The following USP17L2 variants were observed in gnomAD, a reference collection of about 807,000 sequenced individuals.
USP17L2 encodes ubiquitin carboxyl-terminal hydrolase 17.
USP17L2 carries 29 observed loss-of-function variants against 39.8 expected under a neutral mutation model. The ratio of observed to expected loss-of-function variants is 0.73; its 90% confidence interval spans 0.54 to 0.99. The LOEUF (loss-of-function observed/expected upper bound fraction) is 0.99, where lower values mean the gene tolerates loss of function less well. USP17L2 is among the 50% of genes least tolerant of loss of function. The probability of loss-of-function intolerance (pLI) is 0.00; values close to 1 mark genes in which losing one functional copy is unlikely to be tolerated. For synonymous variants in USP17L2, 231 were observed against 252.7 expected (o/e 0.91, Z 0.81); for missense variants, 567 against 647.2 (o/e 0.88, Z 1.35).
rs1211840992 is a variant in USP17L2, at chr8:12,136,973, A to T, written c.*195T>A. 7.1e-6 allele frequency among the ~76,000 whole-genome samples: 1 copy of T among 140,980 alleles called. No individual in the cohort carries two copies. Among genetic ancestry groups the T allele is most frequent in the East Asian group, 2.3e-4 (1 of 4,332 alleles). The allele number at this position is 140,980 out of a possible 152,430, so 92.5% of individuals were successfully genotyped here. A position where few individuals can be genotyped will look rare whatever the true frequency, so the allele number is the denominator to read the frequency against. ...CTTGATGTTTCCCATGTGTGGGCTC[A>T]TCCTGAGATGCAGCCATCACTATCC... On this transcript the variant is annotated 3_prime_UTR_variant, in exon 1 of 1. Transcript: ENST00000333796.
rs375634582 is a variant in USP17L2, at chr8:12,138,393, C to T, written c.368G>A (p.Cys123Tyr). 1.5e-4 allele frequency: 218 copies of T among 1,478,388 alleles called. 24 individuals carry two copies. Among genetic ancestry groups the T allele is most frequent in the Non-Finnish European group, 1.9e-4 (201 of 1,083,754 alleles). 91.6% of individuals were successfully genotyped at this position (1,478,388 alleles called of 1,614,324 possible). Residue 123 changes from cysteine (C) to tyrosine (Y), a missense_variant, in exon 1 of 1, where the codon TGC becomes TAC. Physicochemically the swap from Cys to Tyr is radical, Grantham distance 194 (BLOSUM62 -2). This residue lies in a region of USP17L2 where 67 missense variants were observed against 122.8 expected (regional missense o/e 0.55). Coordinates refer to ENST00000333796, the MANE Select transcript of USP17L2 (RefSeq NM_201402.3). Reference sequence around the variant, plus strand: ...GTGAGCTTGCATAGTACAGAGCATGCAGCACTTGGGACGCTGACATGTTTG... The same window carrying T: ...GTGAGCTTGCATAGTACAGAGCATGTAGCACTTGGGACGCTGACATGTTTG... ...HSQTCQRPKCCMLCTMQAHIT... is the reference protein window; with the variant it reads ...HSQTCQRPKCYMLCTMQAHIT...
At position 12,137,173 on chromosome 8, in the gene USP17L2, G is replaced by C. The variant is rs751716724; in HGVS notation, c.1588C>G (p.Gln530Glu). 6.5e-7 allele frequency: 1 copy of C among 1,530,714 alleles called. No individual in the cohort carries two copies. The highest frequency in any genetic ancestry group is 8.8e-7 in the Non-Finnish European group (1 of 1,135,200). 94.8% of individuals were successfully genotyped at this position (1,530,714 alleles called of 1,614,324 possible). A position where few individuals can be genotyped will look rare whatever the true frequency, so the allele number is the denominator to read the frequency against. The change falls in exon 1 of 1, where the codon CAG becomes GAG. Residue 530 changes from glutamine (Q) to glutamate (E), a missense_variant. Physicochemically the swap from Gln to Glu is conservative, Grantham distance 29. Around this residue, in one of 6 missense-constraint regions of USP17L2, gnomAD observed 304 missense variants for 254.7 expected, o/e 1.19. Coordinates refer to ENST00000333796, the MANE Select transcript of USP17L2 (RefSeq NM_201402.3). ...KHSKRALLVC[Q>E] is the part of the protein sequence containing the mutation. ...GGTCGGCACTTCCACTGAGATCACT[G>C]GCACACAAGCAGAGCCCTCTTGCTG... is the stretch of plus-strand genomic sequence containing the variant.
Position 12,136,631 on chromosome 8 carries a change from A to G in USP17L2, c.*537T>C, listed in dbSNP as rs1803229679. On this transcript the variant is annotated 3_prime_UTR_variant, in exon 1 of 1. Transcript: ENST00000333796. ...TGAGGTCCATTCAGAAACCAATGTAAAAACGGTGAGCCAGGGTAAGAAAGA... is the reference window on the plus strand; with the variant it reads ...TGAGGTCCATTCAGAAACCAATGTAGAAACGGTGAGCCAGGGTAAGAAAGA... 7.1e-6 allele frequency among the ~76,000 whole-genome samples: 1 copy of G among 140,318 alleles called. No individual in the cohort carries two copies. Among genetic ancestry groups the G allele is most frequent in the Non-Finnish European group, 1.5e-5 (1 of 64,814 alleles). The allele number at this position is 140,318 out of a possible 152,430, so 92.1% of individuals were successfully genotyped here. A position where few individuals can be genotyped will look rare whatever the true frequency, so the allele number is the denominator to read the frequency against.
chr8:12,137,032 T>G lies in USP17L2; in HGVS notation c.*136A>C. 8.8e-7 allele frequency: 1 copy of G among 1,135,988 alleles called. No individual in the cohort carries two copies. The highest frequency in any genetic ancestry group is 1.3e-6 in the Non-Finnish European group (1 of 797,724). The allele number at this position is 1,135,988 out of a possible 1,614,324, so 70.4% of individuals were successfully genotyped here. ...CTGTTGTAGAGACAGAAACTTGGAC[T>G]CCTCATTACTTTATGTAGGATTGAC... On this transcript the variant is annotated 3_prime_UTR_variant, in exon 1 of 1. Transcript: ENST00000333796.
chr8:12,138,600 T>C lies in USP17L2; in HGVS notation c.161A>G (p.Asp54Gly). The C allele has an allele frequency of 2.6e-6, 4 of 1,530,728 alleles. 1 individual carries two copies. 94.8% of individuals were successfully genotyped at this position (1,530,728 alleles called of 1,614,324 possible). Residue 54 changes from aspartate to glycine, a missense_variant, in exon 1 of 1, where the codon GAT becomes GGT. By Grantham distance (94) the Asp-to-Gly change is moderately conservative. Around this residue, in one of 6 missense-constraint regions of USP17L2, gnomAD observed 120 missense variants for 111.0 expected, o/e 1.08. Coordinates refer to ENST00000333796, the MANE Select transcript of USP17L2 (RefSeq NM_201402.3). ...SSEARVDLCD[D>G]LAPVARQLAP... Reference sequence around the variant, plus strand: ...AAGCTGTCTTGCCACAGGAGCCAAATCATCACAGAGGTCGACACGGGCCTC... The same window carrying C: ...AAGCTGTCTTGCCACAGGAGCCAAACCATCACAGAGGTCGACACGGGCCTC...
chr8:12,136,725 G>T lies in USP17L2; in HGVS notation c.*443C>A, dbSNP rs1478966504. ...TTCAAGGTGGCGAGAATGATCCATG[G>T]ATGTGCCACATGAGCAAAATTTCAC... is the stretch of plus-strand genomic sequence containing the variant. On this transcript the variant is annotated 3_prime_UTR_variant, in exon 1 of 1. Coordinates refer to ENST00000333796, the MANE Select transcript of USP17L2 (RefSeq NM_201402.3). Among the ~76,000 whole-genome samples the T allele has an allele frequency of 1.4e-5, 2 of 140,628 alleles. No individual in the cohort carries two copies. The highest frequency in any genetic ancestry group is 2.7e-5 in the African/African-American group (1 of 37,290). The allele number at this position is 140,628 out of a possible 152,430, so 92.3% of individuals were successfully genotyped here. A position where few individuals can be genotyped will look rare whatever the true frequency, so the allele number is the denominator to read the frequency against.
In USP17L2 at chr8:12,137,019, C is replaced by G. The variant is rs548701711; in HGVS notation, c.*149G>C. The G allele has an allele frequency of 5.0e-4, 526 of 1,049,394 alleles. 32 individuals are homozygous for G. The African/African-American group carries it at 8.0e-3, about 16-fold the overall frequency. 65.0% of individuals were successfully genotyped at this position (1,049,394 alleles called of 1,614,324 possible). A position where few individuals can be genotyped will look rare whatever the true frequency, so the allele number is the denominator to read the frequency against. ...TATCCAGTTGTCCCTGTTGTAGAGA[C>G]AGAAACTTGGACTCCTCATTACTTT... On this transcript the variant is annotated 3_prime_UTR_variant, in exon 1 of 1. Coordinates refer to ENST00000333796, the MANE Select transcript of USP17L2 (RefSeq NM_201402.3).
At position 12,138,004 on chromosome 8, in the gene USP17L2, G is replaced by T; in HGVS notation, c.757C>A (p.His253Asn). ...GCCCTCTGGAGACAAAGACCGCAAT[G>T]ATAGGCATTCTCTCCATTGAGTTCT... ...PEELNGENAY[H>N]CGLCLQRAPA... Residue 253 changes from histidine (H) to asparagine (N), a missense_variant, in exon 1 of 1, where the codon CAT becomes AAT. Physicochemically the swap from His to Asn is moderately conservative, Grantham distance 68 (BLOSUM62 1). Around this residue, in one of 6 missense-constraint regions of USP17L2, gnomAD observed 65 missense variants for 84.8 expected, o/e 0.77. Transcript: ENST00000333796. 2 of 1,469,402 alleles carry T rather than the reference G, an allele frequency of 1.4e-6. 1 individual carries two copies. The highest frequency in any genetic ancestry group is 1.8e-6 in the Non-Finnish European group (2 of 1,082,510). 91.0% of individuals were successfully genotyped at this position (1,469,402 alleles called of 1,614,324 possible).
chr8:12,137,310 C>A lies in USP17L2; in HGVS notation c.1451G>T (p.Ser484Ile). 8 of 1,531,246 alleles carry A rather than the reference C, an allele frequency of 5.2e-6. No homozygotes were observed. The highest frequency in any genetic ancestry group is 6.2e-6 in the Non-Finnish European group (7 of 1,135,202). The allele number at this position is 1,531,246 out of a possible 1,614,324, so 94.9% of individuals were successfully genotyped here. Residue 484 changes from serine to isoleucine, a missense_variant, in exon 1 of 1, where the codon AGC becomes ATC. Ser to Ile is a moderately radical substitution (Grantham distance 142). Transcript: ENST00000333796. ...GMKNHHPEQQ[S>I]SLLNLSSTTR... ...CGTCGAAGAGAGGTTTAGCAGGGAG[C>A]TTTGCTGTTCAGGATGATGGTTTTT...
rs1441894744 is a variant in USP17L2, at chr8:12,138,628, A to T, written c.133T>A (p.Ser45Thr). The T allele has an allele frequency of 6.5e-7, 1 of 1,530,248 alleles. No individual in the cohort carries two copies. 94.8% of individuals were successfully genotyped at this position (1,530,248 alleles called of 1,614,324 possible). A position where few individuals can be genotyped will look rare whatever the true frequency, so the allele number is the denominator to read the frequency against. Residue 45 changes from serine to threonine, a missense_variant, in exon 1 of 1, where the codon TCT becomes ACT. Physicochemically the swap from Ser to Thr is moderately conservative, Grantham distance 58 (BLOSUM62 1). This residue lies in a region of USP17L2 where 120 missense variants were observed against 111.0 expected (regional missense o/e 1.08). Coordinates refer to ENST00000333796, the MANE Select transcript of USP17L2 (RefSeq NM_201402.3). ...TSLPEKSPLS[S>T]EARVDLCDDL... ...TCACAGAGGTCGACACGGGCCTCAG[A>T]TGAGAGTGGTGACTTCTCAGGGAGA...
rs754599841 is a variant in USP17L2 at position 12,137,679 on chromosome 8, G to T, written c.1082C>A (p.Ser361Tyr). The stretch of plus-strand genomic sequence containing the variant: ...GACATAGGCCTGTTGACTCAGGACA[G>T]AAGTGATGCTACAGGCAGTGACCTT... ...DAKVTACSIT[S>Y]VLSQQAYVLF... Residue 361 changes from serine (S) to tyrosine (Y), a missense_variant, in exon 1 of 1, where the codon TCT becomes TAT. Physicochemically the swap from Ser to Tyr is moderately radical, Grantham distance 144. Transcript: ENST00000333796. 5 of 1,533,424 alleles carry T rather than the reference G, an allele frequency of 3.3e-6. No homozygotes were observed. Among genetic ancestry groups the T allele is most frequent in the South Asian group, 1.2e-5 (1 of 81,352 alleles). The allele number at this position is 1,533,424 out of a possible 1,614,324, so 95.0% of individuals were successfully genotyped here.
rs1803264113 is a variant in USP17L2 at position 12,137,190 on chromosome 8, C to A, written c.1571G>T (p.Arg524Met). Residue 524 changes from arginine (R) to methionine (M), a missense_variant, in exon 1 of 1, where the codon AGG (arginine) becomes ATG (methionine). By Grantham distance (91) the Arg-to-Met change is moderately conservative. Transcript: ENST00000333796. ...AGATCACTGGCACACAAGCAGAGCCCTCTTGCTGTGTTTGTTCTTCCCTTT... is the reference window on the plus strand; with the variant it reads ...AGATCACTGGCACACAAGCAGAGCCATCTTGCTGTGTTTGTTCTTCCCTTT... ...RSKGKNKHSK[R>M]ALLVCQ 3.9e-6 allele frequency: 6 copies of A among 1,530,866 alleles called. 2 individuals are homozygous for A. The highest frequency in any genetic ancestry group is 5.2e-5 in the East Asian group (2 of 38,176). 94.8% of individuals were successfully genotyped at this position (1,530,866 alleles called of 1,614,324 possible). A position where few individuals can be genotyped will look rare whatever the true frequency, so the allele number is the denominator to read the frequency against.
Position 12,138,341 on chromosome 8 carries a change from A to C in USP17L2, c.420T>G (p.Gly140=). The C allele has an allele frequency of 6.6e-7, 1 of 1,512,730 alleles. No individual in the cohort carries two copies. Among genetic ancestry groups the C allele is most frequent in the Non-Finnish European group, 8.9e-7 (1 of 1,122,310 alleles). 93.7% of individuals were successfully genotyped at this position (1,512,730 alleles called of 1,614,324 possible). A position where few individuals can be genotyped will look rare whatever the true frequency, so the allele number is the denominator to read the frequency against. The stretch of plus-strand genomic sequence containing the variant: ...ATGCCTGTGAGGGCTGGATGACATG[A>C]CCAGGACTGTGGAGGGCCCATGTGA... ...AHITWALHSP[G]HVIQPSQALA... Residue 140 remains glycine (G), a synonymous_variant, in exon 1 of 1, where the codon GGT becomes GGG. Transcript: ENST00000333796.
chr8:12,137,769 T>G lies in USP17L2; in HGVS notation c.992A>C (p.His331Pro). 3 of 1,494,606 alleles carry G rather than the reference T, an allele frequency of 2.0e-6. 1 individual carries two copies. The highest frequency in any genetic ancestry group is 2.7e-6 in the Non-Finnish European group (3 of 1,102,324). 92.6% of individuals were successfully genotyped at this position (1,494,606 alleles called of 1,614,324 possible). A position where few individuals can be genotyped will look rare whatever the true frequency, so the allele number is the denominator to read the frequency against. The stretch of plus-strand genomic sequence containing the variant: ...GACATAAGAGAAGTAATGTCCGTCG[T>G]GACAACTCCACCCAGCGTGGACCAG... ...AVLVHAGWSC[H>P]DGHYFSYVKA... is the part of the protein sequence containing the mutation. The change falls in exon 1 of 1, where the codon CAC (histidine) becomes CCC (proline). Residue 331 changes from histidine (H) to proline (P), a missense_variant. Transcript: ENST00000333796.
chr8:12,138,432 G>T lies in USP17L2; in HGVS notation c.329C>A (p.Ser110Tyr). The T allele has an allele frequency of 6.5e-7, 1 of 1,528,432 alleles. No individual in the cohort carries two copies. Among genetic ancestry groups the T allele is most frequent in the Non-Finnish European group, 8.9e-7 (1 of 1,128,010 alleles). The allele number at this position is 1,528,432 out of a possible 1,614,324, so 94.7% of individuals were successfully genotyped here. A position where few individuals can be genotyped will look rare whatever the true frequency, so the allele number is the denominator to read the frequency against. The change falls in exon 1 of 1, where the codon TCC becomes TAC. Residue 110 changes from serine (S) to tyrosine (Y), a missense_variant. By Grantham distance (144) the Ser-to-Tyr change is moderately radical (BLOSUM62 -2). Around this residue, in one of 6 missense-constraint regions of USP17L2, gnomAD observed 67 missense variants for 122.8 expected, o/e 0.55. Transcript: ENST00000333796. The part of the protein sequence containing the change: ...YTPPLANYML[S>Y]REHSQTCQRP... ...CTGACATGTTTGAGAGTGCTCCCGG[G>T]ACAGCATGTAGTTGGCAAGGGGCGG... is the stretch of plus-strand genomic sequence containing the variant.
In USP17L2 at chr8:12,138,326, G is replaced by A. The variant is rs1585168203; in HGVS notation, c.435C>T (p.Pro145=). The change falls in exon 1 of 1, where the codon CCC becomes CCT. Residue 145 remains proline (P), a synonymous_variant. Coordinates refer to ENST00000333796, the MANE Select transcript of USP17L2 (RefSeq NM_201402.3). ...ALHSPGHVIQ[P]SQALAAGFHR... Reference sequence around the variant, plus strand: ...GGAAGCCAGCAGCCAATGCCTGTGAGGGCTGGATGACATGACCAGGACTGT... The same window carrying A: ...GGAAGCCAGCAGCCAATGCCTGTGAAGGCTGGATGACATGACCAGGACTGT... 2.0e-6 allele frequency: 3 copies of A among 1,514,970 alleles called. No homozygotes were observed. Among genetic ancestry groups the A allele is most frequent in the Non-Finnish European group, 1.8e-6 (2 of 1,118,854 alleles). The allele number at this position is 1,514,970 out of a possible 1,614,324, so 93.8% of individuals were successfully genotyped here. A position where few individuals can be genotyped will look rare whatever the true frequency, so the allele number is the denominator to read the frequency against.
chr8:12,138,386 G>GA, the USP17L2 span: 2 of 1,478,702 alleles, frequency 1.4e-6, no homozygotes, highest in South Asian at 2.5e-5. Context: ...GCATAGTACA[G>GA]AGCATGCAGC....
chr8:12,137,760 T>C lies in USP17L2; in HGVS notation c.1001A>G (p.His334Arg), dbSNP rs762696686. ...TTGAGCTTTGACATAAGAGAAGTAA[T>C]GTCCGTCGTGACAACTCCACCCAGC... Reference protein sequence around the residue: ...VHAGWSCHDGHYFSYVKAQEG... With the variant: ...VHAGWSCHDGRYFSYVKAQEG... Residue 334 changes from histidine (H) to arginine (R), a missense_variant, in exon 1 of 1, where the codon CAT (histidine) becomes CGT (arginine). Transcript: ENST00000333796. The C allele has an allele frequency of 3.4e-5, 51 of 1,506,148 alleles. 9 individuals are homozygous for C. The highest frequency in any genetic ancestry group is 4.2e-5 in the Non-Finnish European group (47 of 1,112,574). The allele number at this position is 1,506,148 out of a possible 1,614,324, so 93.3% of individuals were successfully genotyped here. A position where few individuals can be genotyped will look rare whatever the true frequency, so the allele number is the denominator to read the frequency against.
In USP17L2 at chr8:12,137,152, G is replaced by A. The variant is rs747590109; in HGVS notation, c.*16C>T. ...GTGCGTTCACCCCTACGTGTGGGTC[G>A]GCACTTCCACTGAGATCACTGGCAC... On this transcript the variant is annotated 3_prime_UTR_variant, in exon 1 of 1. Coordinates refer to ENST00000333796, the MANE Select transcript of USP17L2 (RefSeq NM_201402.3). The A allele has an allele frequency of 7.8e-6, 12 of 1,529,242 alleles. No homozygotes were observed. Among genetic ancestry groups the A allele is most frequent in the Middle Eastern group, 2.4e-4 (1 of 4,112 alleles). 94.7% of individuals were successfully genotyped at this position (1,529,242 alleles called of 1,614,324 possible).
Sources: allele counts gnomAD v4.1 joint callset (sites outside exome capture counted in the v4.1 genomes callset), GRCh38; gene constraint gnomAD v4.1.1; regional missense constraint gnomAD v4.1.1; transcripts MANE v1.5; gene names NCBI Gene and HGNC (gene_info 2026-07-23, HGNC 2026-07-21).